The following KCNH1 variants were observed in gnomAD, a reference collection of about 807,000 sequenced individuals.
The protein encoded by KCNH1 is potassium voltage-gated channel subfamily H member 1.
KCNH1 carries 27 observed loss-of-function variants against 69.2 expected under a neutral mutation model. That is an observed-to-expected ratio of 0.39 (90% CI 0.29 to 0.54). The LOEUF is 0.54. Ranked by LOEUF, KCNH1 falls within the 20% of genes least tolerant of loss-of-function variation. KCNH1 has a pLI of 0.68. For synonymous variants in KCNH1, 456 were observed against 487.7 expected (o/e 0.93, Z 0.86); for missense variants, 798 against 1,261.6 (o/e 0.63, Z 5.57).
chr1:210,862,355 A>G, intron 7 of KCNH1: 2 of 672,124 alleles, frequency 3.0e-6, no homozygotes, highest in South Asian at 3.1e-5. Context: ...CACTGCACAC[A>G]TGGACCTGCC....
At chr1:211,039,866 T>C (rs1179336170) in intron 5 of KCNH1, among the ~76,000 whole-genome samples, 1 of 152,140 alleles carries the variant, frequency 6.6e-6, no homozygotes, top group Non-Finnish European at 1.5e-5. Flanking sequence ...GACTTTGGAC[T>C]GTAGACTTTT....
At chr1:211,061,045 A>T (rs1690425333) in intron 5 of KCNH1, among the ~76,000 whole-genome samples, 1 of 152,230 alleles carries the variant, frequency 6.6e-6, no homozygotes, top group African/African-American at 2.4e-5. Flanking sequence ...ATGAACATTG[A>T]TGCAAAAATC....
chr1:211,118,030 T>G (rs1017757511), intron 1 of KCNH1, among the ~76,000 whole-genome samples: 1 of 152,206 alleles, frequency 6.6e-6, no homozygotes, highest in Non-Finnish European at 1.5e-5. Context: ...GTGAACCATG[T>G]TGTATCAGGC....
intron 7 of KCNH1, among the ~76,000 whole-genome samples, chr1:210,822,372 G>A (rs1012724314): frequency 6.6e-6 from 1 of 152,072 alleles, no homozygotes; most frequent in Non-Finnish European, 1.5e-5. Flanking sequence ...CCTTATACCA[G>A]GCTAAGACAC....
chr1:210,827,297 T>C (rs6658648), intron 7 of KCNH1, among the ~76,000 whole-genome samples: 38,523 of 151,886 alleles, frequency 0.25, 5,486 homozygotes, highest in Non-Finnish European at 0.33. Context: ...GATTGCGCCA[T>C]TGCACTCTGG....
At chr1:210,800,740 G>A (rs558026371) in intron 8 of KCNH1, among the ~76,000 whole-genome samples, 2 of 152,046 alleles carry the variant, frequency 1.3e-5, no homozygotes, top group Non-Finnish European at 2.9e-5. Context: ...CTTTCCTACT[G>A]CTAGGTTTTG....
intron 6 of KCNH1, among the ~76,000 whole-genome samples, chr1:210,944,325 G>T (rs1317910937): frequency 2.0e-5 from 3 of 152,178 alleles, no homozygotes; most frequent in African/African-American, 7.2e-5. Flanking sequence ...TCCCTTTCCT[G>T]GTGATACTAG....
intron 5 of KCNH1, among the ~76,000 whole-genome samples, chr1:211,030,020 A>G (rs1689753017): frequency 6.6e-6 from 1 of 152,236 alleles, no homozygotes; most frequent in African/African-American, 2.4e-5. Context: ...GATTAAAGAA[A>G]TGGAGAGACA....
intron 10 of KCNH1, among the ~76,000 whole-genome samples, chr1:210,710,540 A>G (rs1188971588): frequency 6.6e-6 from 1 of 152,232 alleles, no homozygotes; most frequent in African/African-American, 2.4e-5. Context: ...TGGCTATGAT[A>G]TCACTAAGTG....
At chr1:211,104,827 C>G (rs1391944713) in intron 2 of KCNH1, among the ~76,000 whole-genome samples, 2 of 152,216 alleles carry the variant, frequency 1.3e-5, no homozygotes, top group African/African-American at 2.4e-5. Flanking sequence ...TAAATATAAT[C>G]TAACCTTTTT....
chr1:211,131,814 C>T (rs1205089332), intron 1 of KCNH1, among the ~76,000 whole-genome samples: 1 of 151,118 alleles, frequency 6.6e-6, no homozygotes, highest in Non-Finnish European at 1.5e-5. Flanking sequence ...TCATCCAACT[C>T]TCCCAAGATG....
At chr1:211,043,917 A>G (rs915821372) in intron 5 of KCNH1, among the ~76,000 whole-genome samples, 1 of 152,188 alleles carries the variant, frequency 6.6e-6, no homozygotes, top group Non-Finnish European at 1.5e-5. Flanking sequence ...CTCTCAGCCA[A>G]ATCAGCATAC....
intron 6 of KCNH1, among the ~76,000 whole-genome samples, chr1:210,991,978 T>G (rs575837264): frequency 2.0e-5 from 3 of 152,118 alleles, no homozygotes. Context: ...GAATAAATAG[T>G]AATACATAAA....
intron 10 of KCNH1, among the ~76,000 whole-genome samples, chr1:210,731,842 TA>T (rs1255177970): frequency 2.0e-5 from 3 of 152,148 alleles, no homozygotes; most frequent in African/African-American, 7.2e-5. Context: ...TTGCCCTGCC[TA>T]ATTCCTTCTC....
chr1:210,689,797 C>T (rs1681490356), intron 10 of KCNH1, among the ~76,000 whole-genome samples: 1 of 152,234 alleles, frequency 6.6e-6, no homozygotes, highest in African/African-American at 2.4e-5. Context: ...CGTCAGAACC[C>T]ACTGAAGAGG....
At chr1:210,705,988 C>G (rs1220512274) in intron 10 of KCNH1, among the ~76,000 whole-genome samples, 1 of 152,188 alleles carries the variant, frequency 6.6e-6, no homozygotes, top group Non-Finnish European at 1.5e-5. Context: ...TTGCAATGAG[C>G]CTAACGTAGG....
chr1:211,003,383 C>T (rs575263222), intron 6 of KCNH1, among the ~76,000 whole-genome samples: 50 of 152,256 alleles, frequency 3.3e-4, no homozygotes, highest in African/African-American at 1.1e-3. Flanking sequence ...AATATAAATT[C>T]GTATAAAGTA....
At chr1:211,082,739 C>T (rs199572243) in intron 5 of KCNH1, 41 bp downstream of exon 5, 6 of 1,539,168 alleles carry the variant, frequency 3.9e-6, no homozygotes, top group East Asian at 2.2e-5. Flanking sequence ...CATGCACCCC[C>T]TAAAAGTGAG....
At chr1:210,853,316 A>G (rs1241222882) in intron 7 of KCNH1, among the ~76,000 whole-genome samples, 1 of 152,180 alleles carries the variant, frequency 6.6e-6, no homozygotes, top group Non-Finnish European at 1.5e-5. Flanking sequence ...AGCAGGCACA[A>G]AATAACAGAA....
Sources: gnomAD v4.1 joint callset for allele counts (sites outside exome capture counted in the v4.1 genomes callset) on GRCh38, gnomAD v4.1.1 for gene constraint, MANE v1.5 for transcripts, NCBI Gene and HGNC (gene_info 2026-07-23, HGNC 2026-07-21) for gene names.